Variants in GRIN2C observed in about 807,000 individuals in gnomAD.
The protein encoded by GRIN2C is glutamate receptor ionotropic, NMDA 2C.
Under a neutral mutation model 77.7 loss-of-function variants are expected in GRIN2C, and 64 were observed. The ratio of observed to expected loss-of-function variants is 0.82; its 90% confidence interval spans 0.67 to 1.01. GRIN2C has a LOEUF of 1.01. GRIN2C is among the 50% of genes least tolerant of loss of function. The pLI, the probability that GRIN2C is intolerant of heterozygous loss-of-function variation, is 0.00. For missense variants in GRIN2C, 1,549 were observed against 1,486.0 expected, an observed-to-expected ratio of 1.04 and a Z score of -0.70; for synonymous variants, 792 against 643.4, an observed-to-expected ratio of 1.23 and a Z score of -3.49.
chr17:74,850,349 T>G lies in GRIN2C; in HGVS notation c.1348A>C (p.Thr450Pro). The G allele has an allele frequency of 6.2e-7, 1 of 1,613,164 alleles. No individual in the cohort carries two copies. The highest frequency in any genetic ancestry group is 2.2e-5 in the East Asian group (1 of 44,882). ...CAGAATCCCTTACAGCAGAGCTTGG[T>G]GTAGGGGGCCACGTCCCCGCTGCTG... ...TFSSGDVAPY[T>P]KLCCKGFCID... Residue 450 changes from threonine to proline, a missense_variant, in exon 6 of 13, where the codon ACC becomes CCC. Physicochemically the swap from Thr to Pro is conservative, Grantham distance 38. Around this residue, in one of 3 missense-constraint regions of GRIN2C, gnomAD observed 717 missense variants for 858.1 expected, o/e 0.84. Transcript: ENST00000293190. This position sits in a 1 kb window ranked among gnomAD's most constrained non-coding sequence, Gnocchi z 5.3.
chr17:74,847,019 G>T lies in GRIN2C; in HGVS notation c.2002-99C>A. The T allele has an allele frequency of 7.6e-7, 1 of 1,308,304 alleles. No homozygotes were observed. Among genetic ancestry groups the T allele is most frequent in the Non-Finnish European group, 1.1e-6 (1 of 946,210 alleles). 81.0% of individuals were successfully genotyped at this position (1,308,304 alleles called of 1,614,324 possible). On this transcript the variant is annotated intron_variant, in intron 9 of 12. Coordinates refer to ENST00000293190, the MANE Select transcript of GRIN2C (RefSeq NM_000835.6). The surrounding 1 kb of genome is among the most constrained non-coding windows in gnomAD (Gnocchi z 5.2). ...CAGAGCCCAGCCCCAGTGTGGACTT[G>T]CATAGTCAGAGCAGAAGGTCTTAAA...
In GRIN2C at chr17:74,850,431, C is replaced by T. The variant is rs902612531; in HGVS notation, c.1326-60G>A. ...AGAGTATGTCGTGGCCCAGCCCCGC[C>T]CCAGCCACTCCTCCAGCCTGGCACG... On this transcript the variant is annotated intron_variant, in intron 5 of 12. Transcript: ENST00000293190. This position sits in a 1 kb window ranked among gnomAD's most constrained non-coding sequence, Gnocchi z 5.3. 2.5e-6 allele frequency: 4 copies of T among 1,585,724 alleles called. No homozygotes were observed. In the South Asian group the frequency reaches 3.3e-5, roughly 13 times the overall value.
rs941468271 is a variant in GRIN2C, at chr17:74,846,361, G to C, written c.2163-108C>G. The stretch of plus-strand genomic sequence containing the variant: ...CCACATGAGCCTGCTGGGCACCCCC[G>C]GGAGGGACCAATGGGCAGAGACTTG... On this transcript the variant is annotated intron_variant, in intron 10 of 12. Coordinates refer to ENST00000293190, the MANE Select transcript of GRIN2C (RefSeq NM_000835.6). This position sits in a 1 kb window ranked among gnomAD's most constrained non-coding sequence, Gnocchi z 4.4. 1.9e-5 allele frequency: 17 copies of C among 908,570 alleles called. 1 individual carries two copies. In the South Asian group the frequency reaches 2.6e-4, roughly 14 times the overall value. 56.3% of individuals were successfully genotyped at this position (908,570 alleles called of 1,614,324 possible).
In GRIN2C at chr17:74,852,266, C is replaced by T; in HGVS notation, c.745G>A (p.Gly249Ser). Reference protein sequence around the residue: ...EAAQAGLVGPGHVWLVPNLAL... With the variant: ...EAAQAGLVGPSHVWLVPNLAL... ...AGGTTGGGCACCAGCCACACGTGGC[C>T]GGGCCCCACCAGACCGGCCTGCGCC... Residue 249 changes from glycine (G) to serine (S), a missense_variant, in exon 3 of 13, where the codon GGC becomes AGC. By Grantham distance (56) the Gly-to-Ser change is moderately conservative. Coordinates refer to ENST00000293190, the MANE Select transcript of GRIN2C (RefSeq NM_000835.6). The T allele has an allele frequency of 2.1e-6, 3 of 1,399,482 alleles. No individual in the cohort carries two copies. Among genetic ancestry groups the T allele is most frequent in the Middle Eastern group, 2.0e-4 (1 of 4,882 alleles). The allele number at this position is 1,399,482 out of a possible 1,614,324, so 86.7% of individuals were successfully genotyped here. A position where few individuals can be genotyped will look rare whatever the true frequency, so the allele number is the denominator to read the frequency against.
chr17:74,845,263 T>C (rs922796077), intron 11 of GRIN2C, among the ~76,000 whole-genome samples: 612 of 30,850 alleles, frequency 0.02, 3 homozygotes, highest in Non-Finnish European at 0.041. Context: ...GAAATCAGAT[T>C]TTTTTTTTTT....
rs552196496 is a variant in GRIN2C at position 74,843,172 on chromosome 17, A to G, written c.2965T>C (p.Ser989Pro). Reference sequence around the variant, plus strand: ...CGGCGCGACACTCGGGAGACGTCGGACAGGGGCGGCCCCGGCGTCGGGGGG... The same window carrying G: ...CGGCGCGACACTCGGGAGACGTCGGGCAGGGGCGGCCCCGGCGTCGGGGGG... ...GRPPTPGPPL[S>P]DVSRVSRRPA... The change falls in exon 13 of 13, where the codon TCC becomes CCC. Residue 989 changes from serine to proline, a missense_variant. By Grantham distance (74) the Ser-to-Pro change is moderately conservative. Transcript: ENST00000293190. 1.4e-4 allele frequency: 56 copies of G among 409,536 alleles called. No individual in the cohort carries two copies. Among genetic ancestry groups the G allele is most frequent in the Non-Finnish European group, 2.2e-4 (51 of 235,764 alleles). 25.4% of individuals were successfully genotyped at this position (409,536 alleles called of 1,614,324 possible).
Position 74,852,165 on chromosome 17 carries a change from G to A in GRIN2C, c.846C>T (p.Arg282=). ...CGCGCACCTTCTGGCGCAGGCTGAGGCGCCAGCTCTCGGTGACGACGCTGA... is the reference window on the plus strand; with the variant it reads ...CGCGCACCTTCTGGCGCAGGCTGAGACGCCAGCTCTCGGTGACGACGCTGA... The part of the protein sequence containing the change: ...GLISVVTESW[R]LSLRQKVRDG... The change falls in exon 3 of 13, where the codon CGC becomes CGT. Residue 282 remains arginine, a synonymous_variant. Coordinates refer to ENST00000293190, the MANE Select transcript of GRIN2C (RefSeq NM_000835.6). The A allele has an allele frequency of 6.8e-7, 1 of 1,461,228 alleles. No homozygotes were observed. The highest frequency in any genetic ancestry group is 1.3e-5 in the South Asian group (1 of 75,820). 90.5% of individuals were successfully genotyped at this position (1,461,228 alleles called of 1,614,324 possible). A position where few individuals can be genotyped will look rare whatever the true frequency, so the allele number is the denominator to read the frequency against.
chr17:74,846,673 A>T lies in GRIN2C; in HGVS notation c.2162+87T>A. 10 of 1,404,522 alleles carry T rather than the reference A, an allele frequency of 7.1e-6. No individual in the cohort carries two copies. The highest frequency in any genetic ancestry group is 9.9e-6 in the Non-Finnish European group (10 of 1,013,644). The allele number at this position is 1,404,522 out of a possible 1,614,324, so 87.0% of individuals were successfully genotyped here. Reference sequence around the variant, plus strand: ...CCACAGGAGTCCTGCAGGACAGCCCAGTCCCACTGTCCCCACATTGAGAGC... The same window carrying T: ...CCACAGGAGTCCTGCAGGACAGCCCTGTCCCACTGTCCCCACATTGAGAGC... On this transcript the variant is annotated intron_variant, in intron 10 of 12. Coordinates refer to ENST00000293190, the MANE Select transcript of GRIN2C (RefSeq NM_000835.6). This position sits in a 1 kb window ranked among gnomAD's most constrained non-coding sequence, Gnocchi z 4.4.
chr17:74,851,041 A>C, intron 4 of GRIN2C: 1 of 528,802 alleles, frequency 1.9e-6, no homozygotes. Context: ...TTAGCTGAGC[A>C]CTCAAGGCCC....
upstream of GRIN2C, among the ~76,000 whole-genome samples, chr17:74,861,028 C>T (rs2037939367): frequency 6.6e-6 from 1 of 152,202 alleles, no homozygotes; most frequent in Non-Finnish European, 1.5e-5. Flanking sequence ...CCGCTCTCCG[C>T]CCCGGCGGCT....
chr17:74,849,678 C>T lies in GRIN2C; in HGVS notation c.1645+102G>A. On this transcript the variant is annotated intron_variant, in intron 7 of 12. Coordinates refer to ENST00000293190, the MANE Select transcript of GRIN2C (RefSeq NM_000835.6). This position sits in a 1 kb window ranked among gnomAD's most constrained non-coding sequence, Gnocchi z 4.6. Reference sequence around the variant, plus strand: ...AAGACCCAAGGCTGCTGTGCTTGGCCTGTGAGAGCCCACCCAACTCCCCAT... The same window carrying T: ...AAGACCCAAGGCTGCTGTGCTTGGCTTGTGAGAGCCCACCCAACTCCCCAT... The T allele has an allele frequency of 9.1e-7, 1 of 1,101,048 alleles. No individual in the cohort carries two copies. Among genetic ancestry groups the T allele is most frequent in the Non-Finnish European group, 1.3e-6 (1 of 761,010 alleles). The allele number at this position is 1,101,048 out of a possible 1,614,324, so 68.2% of individuals were successfully genotyped here.
chr17:74,848,351 A>G (rs2037527423), intron 7 of GRIN2C, among the ~76,000 whole-genome samples: 1 of 152,124 alleles, frequency 6.6e-6, no homozygotes, highest in Non-Finnish European at 1.5e-5. Context: ...ATGGAAACCC[A>G]CACCCAGGGA....
At chr17:74,853,102 C>T (rs1200482706) in intron 2 of GRIN2C, 1 of 152,432 alleles carries the variant, frequency 6.6e-6, no homozygotes, top group Non-Finnish European at 1.5e-5. Context: ...TGCCGGGGCC[C>T]CAAGAGGACG....
At position 74,854,953 on chromosome 17, in the gene GRIN2C, C is replaced by T. The variant is rs142837005; in HGVS notation, c.140G>A (p.Arg47His). The T allele has an allele frequency of 2.6e-4, 417 of 1,612,782 alleles. 2 individuals are homozygous for T. The African/African-American group carries it at 4.4e-3, about 17-fold the overall frequency. Residue 47 changes from arginine (R) to histidine (H), a missense_variant, in exon 2 of 13, where the codon CGT (arginine) becomes CAT (histidine). Around this residue, in one of 3 missense-constraint regions of GRIN2C, gnomAD observed 382 missense variants for 360.0 expected, o/e 1.06. Transcript: ENST00000293190. The stretch of plus-strand genomic sequence containing the variant: ...GAAGCTCTGGGGGGTGAGGCGGGCA[C>T]GGAACTGGGCCTGGGGCGGCCCTGA... ...SSSGPPQAQF[R>H]ARLTPQSFLD...
upstream of GRIN2C, chr17:74,860,438 G>A (rs1436981094): frequency 1.5e-5 from 7 of 456,750 alleles, no homozygotes; most frequent in Admixed American, 1.2e-4. Context: ...GGGAATTCCC[G>A]TCTTGCTCAC....
At chr17:74,855,770 G>A (rs950738400) in intron 1 of GRIN2C, among the ~76,000 whole-genome samples, 1 of 152,144 alleles carries the variant, frequency 6.6e-6, no homozygotes, top group African/African-American at 2.4e-5. Flanking sequence ...TGTGCTACTG[G>A]TCAGTGTGCC....
upstream of GRIN2C, chr17:74,860,514 G>T (rs567584406): frequency 5.5e-5 from 25 of 456,440 alleles, no homozygotes; most frequent in Non-Finnish European, 9.7e-5. Flanking sequence ...CCTTTGCTCC[G>T]CGTGTCCCCG....
Position 74,852,610 on chromosome 17 carries a change from T to C in GRIN2C, c.401A>G (p.Glu134Gly). 5 of 1,228,186 alleles carry C rather than the reference T, an allele frequency of 4.1e-6. No homozygotes were observed. Among genetic ancestry groups the C allele is most frequent in the Non-Finnish European group, 5.1e-6 (5 of 985,470 alleles). The allele number at this position is 1,228,186 out of a possible 1,614,324, so 76.1% of individuals were successfully genotyped here. ...GGSAVVLTPK[E>G]PGSAFLQLGV... ...CAGCTGCAGGAAGGCGGAGCCCGGC[T>C]CCTGGGGGCGGGCGGGGCCTGAGCG... The change falls in exon 3 of 13, where the codon GAG (glutamate) becomes GGG (glycine). Residue 134 changes from glutamate to glycine, a missense_variant and splice_region_variant. Transcript: ENST00000293190.
Position 74,842,361 on chromosome 17 carries a change from AT to A in GRIN2C, c.*73del. ...TCATGGCAGAAGCCAGAAAAGCCCA[AT>A]CCTGCCTGCCGCTTAACCCTGACAG... On this transcript the variant is annotated 3_prime_UTR_variant, in exon 13 of 13. Coordinates refer to ENST00000293190, the MANE Select transcript of GRIN2C (RefSeq NM_000835.6). 1 of 703,960 alleles carries A rather than the reference AT, an allele frequency of 1.4e-6. No individual in the cohort carries two copies. The highest frequency in any genetic ancestry group is 2.6e-6 in the Non-Finnish European group (1 of 382,360). 43.6% of individuals were successfully genotyped at this position (703,960 alleles called of 1,614,324 possible). A position where few individuals can be genotyped will look rare whatever the true frequency, so the allele number is the denominator to read the frequency against.
Sources: gnomAD v4.1 joint callset for allele counts (sites outside exome capture counted in the v4.1 genomes callset) on GRCh38, gnomAD v4.1.1 for gene constraint, gnomAD v4.1.1 regional missense constraint, Gnocchi (gnomAD v3.1) non-coding constraint, MANE v1.5 for transcripts, NCBI Gene and HGNC (gene_info 2026-07-23, HGNC 2026-07-21) for gene names.